Variants in SYT1 observed in about 807,000 individuals in gnomAD.
SYT1 encodes the protein synaptotagmin-1.
SYT1 carries 8 observed loss-of-function variants against 44.8 expected under a neutral mutation model. The ratio of observed to expected loss-of-function variants is 0.18; its 90% CI spans 0.10 to 0.32. SYT1 has a LOEUF of 0.32. Among genes scored for constraint, SYT1 ranks in the 10% least tolerant of loss-of-function variants. The probability of loss-of-function intolerance (pLI) is 1.00; values close to 1 mark genes in which losing one functional copy is unlikely to be tolerated. For missense variants in SYT1, 286 were observed against 509.3 expected (o/e 0.56, Z 4.22); for synonymous variants, 154 against 188.8 (o/e 0.82, Z 1.51).
intron 3 of SYT1, among the ~76,000 whole-genome samples, chr12:79,186,754 A>T (rs566262720): frequency 1.3e-5 from 2 of 152,144 alleles, no homozygotes; most frequent in South Asian, 2.1e-4. Context: ...TCATCTTCTG[A>T]GTAGTAGACA....
intron 2 of SYT1, among the ~76,000 whole-genome samples, chr12:79,005,299 A>C (rs1419782859): frequency 6.6e-6 from 1 of 152,008 alleles, no homozygotes; most frequent in Admixed American, 6.6e-5. Flanking sequence ...CATGAAATTC[A>C]ATTATATAAA....
At chr12:79,299,892 AT>A (rs1880052735) in intron 8 of SYT1, among the ~76,000 whole-genome samples, 1 of 152,124 alleles carries the variant, frequency 6.6e-6, no homozygotes, top group African/African-American at 2.4e-5. Flanking sequence ...AAATTATTTT[AT>A]TTCTCATTTT....
intron 4 of SYT1, among the ~76,000 whole-genome samples, chr12:79,277,982 A>G (rs11113428): frequency 0.36 from 54,375 of 151,722 alleles, 10,025 homozygotes; most frequent in East Asian, 0.58. Context: ...AAATATATAC[A>G]CATCTAACAT....
intron 4 of SYT1, among the ~76,000 whole-genome samples, chr12:79,235,822 A>G (rs7956246): frequency 0.013 from 1,906 of 152,176 alleles, 39 homozygotes; most frequent in African/African-American, 0.042. Context: ...TAAAATAACA[A>G]TGAAATGGAT....
chr12:78,915,622 G>A (rs1363553335), intron 1 of SYT1, among the ~76,000 whole-genome samples: 1 of 151,764 alleles, frequency 6.6e-6, no homozygotes, highest in Non-Finnish European at 1.5e-5. Flanking sequence ...TGTATTGAAT[G>A]GTTCTTTTCC....
intron 8 of SYT1, among the ~76,000 whole-genome samples, chr12:79,342,553 T>C (rs192593660): frequency 6.6e-6 from 1 of 152,332 alleles, no homozygotes; most frequent in Non-Finnish European, 1.5e-5. Context: ...CTCTGTCAAT[T>C]GTATTCTAAG....
chr12:78,880,451 AATTT>A (rs764815652), intron 1 of SYT1, among the ~76,000 whole-genome samples: 11 of 151,514 alleles, frequency 7.3e-5, no homozygotes, highest in Non-Finnish European at 1.3e-4. Context: ...TAAATAAATA[AATTT>A]ATTTATTTAT....
chr12:79,170,088 C>T (rs924593436), intron 3 of SYT1, among the ~76,000 whole-genome samples: 2 of 152,064 alleles, frequency 1.3e-5, no homozygotes, highest in African/African-American at 4.8e-5. Context: ...TTTCTTTAGC[C>T]AGTCTATCAT....
intron 1 of SYT1, among the ~76,000 whole-genome samples, chr12:78,969,550 G>A (rs975083900): frequency 6.6e-6 from 1 of 152,154 alleles, no homozygotes; most frequent in African/African-American, 2.4e-5. Context: ...GAGCCATTAT[G>A]GGCCATGGCA....
intron 9 of SYT1, among the ~76,000 whole-genome samples, chr12:79,385,333 T>A (rs9788055): frequency 0.56 from 84,955 of 151,892 alleles, 26,451 homozygotes; most frequent in Non-Finnish European, 0.7. Context: ...CAAAAAAAGA[T>A]TTTTTTTTCC....
intron 9 of SYT1, among the ~76,000 whole-genome samples, chr12:79,413,325 C>T (rs1325345109): frequency 1.3e-5 from 2 of 152,162 alleles, no homozygotes; most frequent in African/African-American, 4.8e-5. Context: ...AAGCTCTTGT[C>T]TCTGTAGAGT....
At chr12:79,060,180 C>A (rs1265476730) in intron 3 of SYT1, among the ~76,000 whole-genome samples, 1 of 152,088 alleles carries the variant, frequency 6.6e-6, no homozygotes, top group Non-Finnish European at 1.5e-5. Context: ...ATAGCAGTAA[C>A]TTTACTAAAA....
chr12:79,323,530 G>A (rs978599543), intron 8 of SYT1, among the ~76,000 whole-genome samples: 22 of 152,200 alleles, frequency 1.4e-4, no homozygotes, highest in African/African-American at 3.6e-4. Context: ...CACCGAAAAC[G>A]TCAGTCCAGA....
At chr12:79,300,819 A>T (rs1940699017) in intron 8 of SYT1, among the ~76,000 whole-genome samples, 1 of 139,428 alleles carries the variant, frequency 7.2e-6, no homozygotes, top group African/African-American at 2.7e-5. Context: ...ATATATATAT[A>T]TATATTTACT....
At chr12:79,172,341 G>T (rs1213465237) in intron 3 of SYT1, among the ~76,000 whole-genome samples, 2 of 152,008 alleles carry the variant, frequency 1.3e-5, no homozygotes, top group Middle Eastern at 6.8e-3. Context: ...CCAAAAAAAG[G>T]AGTTATAATG....
chr12:79,354,123 C>T (rs1010811912), intron 9 of SYT1, among the ~76,000 whole-genome samples: 2 of 152,144 alleles, frequency 1.3e-5, no homozygotes, highest in South Asian at 2.1e-4. Flanking sequence ...TATGGTAATG[C>T]ATTTAATTCC....
chr12:79,358,512 T>G (rs1381528015), intron 9 of SYT1, among the ~76,000 whole-genome samples: 1 of 152,128 alleles, frequency 6.6e-6, no homozygotes, highest in Non-Finnish European at 1.5e-5. Context: ...CTTAGAGACA[T>G]TAGACAATGT....
At chr12:79,004,687 T>C (rs1474718601) in intron 2 of SYT1, among the ~76,000 whole-genome samples, 2 of 151,936 alleles carry the variant, frequency 1.3e-5, no homozygotes, top group Non-Finnish European at 2.9e-5. Context: ...TCTAGACCAA[T>C]ATTTTGTATC....
At chr12:79,243,217 A>G (rs1029058295) in intron 4 of SYT1, among the ~76,000 whole-genome samples, 2 of 152,212 alleles carry the variant, frequency 1.3e-5, no homozygotes, top group Non-Finnish European at 2.9e-5. Flanking sequence ...TTGAGTGGGG[A>G]CACAGTCGAA....
Sources: allele counts gnomAD v4.1 joint callset (sites outside exome capture counted in the v4.1 genomes callset), GRCh38; gene constraint gnomAD v4.1.1; transcripts MANE v1.5; gene names NCBI Gene and HGNC (gene_info 2026-07-23, HGNC 2026-07-21).